The following LRFN3 variants were observed in gnomAD, a reference collection of about 807,000 sequenced individuals.
The protein encoded by LRFN3 is leucine rich repeat and fibronectin type III domain containing 3, also known as leucine-rich repeat and fibronectin type-III domain-containing protein 3.
LRFN3 carries 8 observed loss-of-function variants against 23.8 expected under a neutral mutation model. The ratio of observed to expected loss-of-function variants is 0.34; its 90% CI spans 0.20 to 0.61. The LOEUF (loss-of-function observed/expected upper bound fraction) is 0.61. Among genes scored for constraint, LRFN3 ranks in the 20% least tolerant of loss-of-function variants. The pLI is 0.80. For synonymous variants in LRFN3, 451 were observed against 450.6 expected (o/e 1.00, Z -0.01); for missense variants, 736 against 935.3 (o/e 0.79, Z 2.78).
At chr19:35,937,626 G>C (rs1270520511) in intron 1 of LRFN3, 71 bp downstream of exon 1, 1 of 152,850 alleles carries the variant, frequency 6.5e-6, no homozygotes, top group East Asian at 1.9e-4. Flanking sequence ...ACGGTACCAG[G>C]TACCCTTTGA....
At chr19:35,942,572 T>C (rs941740753) in intron 2 of LRFN3, among the ~76,000 whole-genome samples, 9 of 152,216 alleles carry the variant, frequency 5.9e-5, no homozygotes, top group African/African-American at 2.2e-4. Context: ...GGACTGTTCC[T>C]TGGGGACCTA....
Position 35,939,019 on chromosome 19 carries a change from C to T in LRFN3, c.-16-391C>T, listed in dbSNP as rs535549399. 5.3e-5 allele frequency among the ~76,000 whole-genome samples: 8 copies of T among 152,264 alleles called. No homozygotes were observed. In the South Asian group the frequency reaches 1.5e-3, roughly 28 times the overall value. On this transcript the variant is annotated intron_variant, in intron 1 of 2. Transcript: ENST00000246529. This position sits in a 1 kb window ranked among gnomAD's most constrained non-coding sequence, Gnocchi z 6.4. ...TGTTGCCCAGGCTGGAGTGTGGTGG[C>T]GCAATCATAGCTCACTGCAGCCTCA...
rs753224798 is a variant in LRFN3 at position 35,939,652 on chromosome 19, G to C, written c.227G>C (p.Arg76Pro). The C allele has an allele frequency of 6.2e-7, 1 of 1,608,202 alleles. No individual in the cohort carries two copies. Among genetic ancestry groups the C allele is most frequent in the South Asian group, 1.1e-5 (1 of 91,034 alleles). ...GACAACTTCATCGCCTCCGTGCGCC[G>C]CCGCGACCTGGCCAACATGACAGGC... ...LADNFIASVR[R>P]RDLANMTGLL... Residue 76 changes from arginine to proline, a missense_variant, in exon 2 of 3, where the codon CGC becomes CCC. By Grantham distance (103) the Arg-to-Pro change is moderately radical. This residue lies in a region of LRFN3 where 446 missense variants were observed against 647.9 expected (regional missense o/e 0.69). Transcript: ENST00000246529. The surrounding 1 kb of genome is among the most constrained non-coding windows in gnomAD (Gnocchi z 6.4).
rs867948477 is a variant in LRFN3, at chr19:35,944,900, C to T, written c.1768C>T (p.Leu590=). The T allele has an allele frequency of 1.3e-6, 2 of 1,588,372 alleles. No homozygotes were observed. Among genetic ancestry groups the T allele is most frequent in the Non-Finnish European group, 1.7e-6 (2 of 1,175,166 alleles). ...SSVCSQTNGA[L]GPTPTPAPPA... ...CGTTTGCTCCCAGACCAACGGCGCC[C>T]TGGGCCCCACGCCCACGCCCGCCCC... Residue 590 remains leucine (L), a synonymous_variant, in exon 3 of 3, where the codon CTG becomes TTG. Coordinates refer to ENST00000246529, the MANE Select transcript of LRFN3 (RefSeq NM_024509.2). The surrounding 1 kb of genome is among the most constrained non-coding windows in gnomAD (Gnocchi z 4.5).
At chr19:35,940,861 G>C (rs1976113265) in intron 2 of LRFN3, 21 bp downstream of exon 2, 1 of 1,513,230 alleles carries the variant, frequency 6.6e-7, no homozygotes, top group Non-Finnish European at 8.9e-7. Flanking sequence ...CAGGCACTGG[G>C]GTAGCTTGGG....
Position 35,940,492 on chromosome 19 carries a change from C to T in LRFN3, c.1067C>T (p.Thr356Ile). ...AATGGGACGCTGGAGCTGCTGGTCA[C>T]CGAGCCGGGTGATGGTGGCATCTTC... ...FPNGTLELLV[T>I]EPGDGGIFTC... The change falls in exon 2 of 3, where the codon ACC becomes ATC. Residue 356 changes from threonine (T) to isoleucine (I), a missense_variant. Thr to Ile is a moderately conservative substitution (Grantham distance 89, BLOSUM62 -1). Coordinates refer to ENST00000246529, the MANE Select transcript of LRFN3 (RefSeq NM_024509.2). 1 of 1,611,056 alleles carries T rather than the reference C, an allele frequency of 6.2e-7. No homozygotes were observed. Among genetic ancestry groups the T allele is most frequent in the Admixed American group, 1.7e-5 (1 of 59,816 alleles).
chr19:35,941,467 C>G (rs1435068084), intron 2 of LRFN3, among the ~76,000 whole-genome samples: 1 of 152,150 alleles, frequency 6.6e-6, no homozygotes, highest in Non-Finnish European at 1.5e-5. Context: ...GAAATCAGAC[C>G]AGAGGTTAGA....
Position 35,946,549 on chromosome 19 carries a change from GGAA to G in LRFN3, c.*1536_*1538del, listed in dbSNP as rs1244966064. 5.3e-5 allele frequency among the ~76,000 whole-genome samples: 8 copies of G among 152,040 alleles called. No homozygotes were observed. Among genetic ancestry groups the G allele is most frequent in the Non-Finnish European group, 1.2e-4 (8 of 67,986 alleles). On this transcript the variant is annotated 3_prime_UTR_variant, in exon 3 of 3. Transcript: ENST00000246529. Reference sequence around the variant, plus strand: ...AGGACCAGCAGGCAGAGGGACAGGGGGAAGAAGACCAAGCAATTCAGACCCAAG... The same window carrying G: ...AGGACCAGCAGGCAGAGGGACAGGGGGAAGACCAAGCAATTCAGACCCAAG...
Position 35,944,584 on chromosome 19 carries a change from G to A in LRFN3, c.1452G>A (p.Thr484=). The change falls in exon 3 of 3, where the codon ACG becomes ACA. Residue 484 remains threonine (T), a synonymous_variant. Transcript: ENST00000246529. This position sits in a 1 kb window ranked among gnomAD's most constrained non-coding sequence, Gnocchi z 4.5. ...IPAESRSFLL[T]DLASGRTYDL... ...CGGAGAGCCGCTCGTTCCTGCTGAC[G>A]GACCTGGCGTCAGGCCGGACCTACG... The A allele has an allele frequency of 2.0e-6, 3 of 1,481,656 alleles. No homozygotes were observed. The highest frequency in any genetic ancestry group is 1.8e-6 in the Non-Finnish European group (2 of 1,121,406). The allele number at this position is 1,481,656 out of a possible 1,614,324, so 91.8% of individuals were successfully genotyped here.
chr19:35,941,899 T>C (rs1298181201), intron 2 of LRFN3, among the ~76,000 whole-genome samples: 1 of 150,994 alleles, frequency 6.6e-6, no homozygotes, highest in East Asian at 2.0e-4. Flanking sequence ...CTTTTTTTTT[T>C]TGAGACGGAG....
In LRFN3 at chr19:35,945,034, C is replaced by G. The variant is rs757142430; in HGVS notation, c.*15C>G. ...TGGGACCCTAGCCAGGCGCCCCCCC[C>G]TCTAAGGGTCCTCTGGCCCCACGGA... On this transcript the variant is annotated 3_prime_UTR_variant, in exon 3 of 3. Transcript: ENST00000246529. 51 of 1,339,344 alleles carry G rather than the reference C, an allele frequency of 3.8e-5. No homozygotes were observed. Among genetic ancestry groups the G allele is most frequent in the Middle Eastern group, 2.7e-4 (1 of 3,654 alleles). The allele number at this position is 1,339,344 out of a possible 1,614,324, so 83.0% of individuals were successfully genotyped here.
Position 35,940,816 on chromosome 19 carries a change from C to T in LRFN3, c.1391C>T (p.Ser464Leu), listed in dbSNP as rs1361251835. ...IRMYQIQYNS[S>L]ADDILVYRMI... ...ATGTACCAGATCCAGTACAACAGCT[C>T]GGCTGATGACATCCTCGTCTACAGG... The change falls in exon 2 of 3, where the codon TCG (serine) becomes TTG (leucine). Residue 464 changes from serine to leucine, a missense_variant. Physicochemically the swap from Ser to Leu is moderately radical, Grantham distance 145. Transcript: ENST00000246529. The T allele has an allele frequency of 6.3e-7, 1 of 1,581,046 alleles. No individual in the cohort carries two copies. Among genetic ancestry groups the T allele is most frequent in the Non-Finnish European group, 8.6e-7 (1 of 1,157,880 alleles).
In LRFN3 at chr19:35,944,804, C is replaced by T. The variant is rs1237783451; in HGVS notation, c.1672C>T (p.Leu558=). Residue 558 remains leucine, a synonymous_variant, in exon 3 of 3, where the codon CTG becomes TTG. Coordinates refer to ENST00000246529, the MANE Select transcript of LRFN3 (RefSeq NM_024509.2). The surrounding 1 kb of genome is among the most constrained non-coding windows in gnomAD (Gnocchi z 4.5). ...VASVLVFIFV[L]LMRYKVHGGQ... Reference sequence around the variant, plus strand: ...CTCGGTACTGGTCTTCATCTTCGTGCTGCTAATGCGCTACAAGGTGCACGG... The same window carrying T: ...CTCGGTACTGGTCTTCATCTTCGTGTTGCTAATGCGCTACAAGGTGCACGG... The T allele has an allele frequency of 1.2e-6, 2 of 1,610,744 alleles. No homozygotes were observed. The highest frequency in any genetic ancestry group is 4.5e-5 in the East Asian group (2 of 44,842).
Position 35,940,776 on chromosome 19 carries a change from A to C in LRFN3, c.1351A>C (p.Ile451Leu). The change falls in exon 2 of 3, where the codon ATC becomes CTC. Residue 451 changes from isoleucine (I) to leucine (L), a missense_variant. Ile to Leu is a conservative substitution (Grantham distance 5). Transcript: ENST00000246529. ...TGTCCAGTGGCCGGATCAGCGGCCT[A>C]TCCCGGGCATCCGCATGTACCAGAT... ...ALVQWPDQRP[I>L]PGIRMYQIQY... 1.2e-6 allele frequency: 2 copies of C among 1,610,722 alleles called. No homozygotes were observed. The highest frequency in any genetic ancestry group is 1.7e-6 in the Non-Finnish European group (2 of 1,177,970).
chr19:35,939,980 G>T lies in LRFN3; in HGVS notation c.555G>T (p.Leu185Phe). The T allele has an allele frequency of 1.2e-6, 2 of 1,610,916 alleles. No homozygotes were observed. Among genetic ancestry groups the T allele is most frequent in the South Asian group, 2.2e-5 (2 of 91,082 alleles). The change falls in exon 2 of 3, where the codon TTG becomes TTT. Residue 185 changes from leucine (L) to phenylalanine (F), a missense_variant. By Grantham distance (22) the Leu-to-Phe change is conservative. Transcript: ENST00000246529. This position sits in a 1 kb window ranked among gnomAD's most constrained non-coding sequence, Gnocchi z 6.4. ...ALGRLGNVNTLGLDHNLLASV... is the reference protein window; with the variant it reads ...ALGRLGNVNTFGLDHNLLASV... ...GCCGCCTGGGCAACGTCAACACGTT[G>T]GGCCTCGACCACAACCTGCTGGCTT...
At position 35,939,700 on chromosome 19, in the gene LRFN3, G is replaced by A. The variant is rs779869397; in HGVS notation, c.275G>A (p.Arg92Gln). The change falls in exon 2 of 3, where the codon CGG becomes CAG. Residue 92 changes from arginine (R) to glutamine (Q), a missense_variant. By Grantham distance (43) the Arg-to-Gln change is conservative. This residue lies in a region of LRFN3 where 446 missense variants were observed against 647.9 expected (regional missense o/e 0.69). Transcript: ENST00000246529. The surrounding 1 kb of genome is among the most constrained non-coding windows in gnomAD (Gnocchi z 6.4). Reference sequence around the variant, plus strand: ...GGCCTGCTGCATCTGAGCCTGTCGCGGAACACCATCCGCCACGTGGCTGCC... The same window carrying A: ...GGCCTGCTGCATCTGAGCCTGTCGCAGAACACCATCCGCCACGTGGCTGCC... ...MTGLLHLSLSRNTIRHVAAGA... is the reference protein window; with the variant it reads ...MTGLLHLSLSQNTIRHVAAGA... 7.5e-6 allele frequency: 12 copies of A among 1,605,304 alleles called. No individual in the cohort carries two copies. The highest frequency in any genetic ancestry group is 8.5e-6 in the Non-Finnish European group (10 of 1,178,352).
In LRFN3 at chr19:35,939,430, C is replaced by A; in HGVS notation, c.5C>A (p.Ala2Asp). The change falls in exon 2 of 3, where the codon GCC becomes GAC. Residue 2 changes from alanine (A) to aspartate (D), a missense_variant. By Grantham distance (126) the Ala-to-Asp change is moderately radical (BLOSUM62 -2). Transcript: ENST00000246529. The surrounding 1 kb of genome is among the most constrained non-coding windows in gnomAD (Gnocchi z 6.4). ...CGCAGGACACCCCTGCCCGCGATGG[C>A]CATCCTCCCGTTGCTCCTGTGCCTG... The part of the protein sequence containing the change: M[A>D]ILPLLLCLLP... The A allele has an allele frequency of 6.3e-7, 1 of 1,581,982 alleles. No individual in the cohort carries two copies. The highest frequency in any genetic ancestry group is 8.6e-7 in the Non-Finnish European group (1 of 1,165,616).
Position 35,944,865 on chromosome 19 carries a change from C to T in LRFN3, c.1733C>T (p.Pro578Leu). 1 of 1,599,990 alleles carries T rather than the reference C, an allele frequency of 6.3e-7. No homozygotes were observed. Among genetic ancestry groups the T allele is most frequent in the East Asian group, 2.2e-5 (1 of 44,772 alleles). ...CCCGGCAAGGCCAAGATTCCCGCGC[C>T]TGTTAGCAGCGTTTGCTCCCAGACC... ...QPPGKAKIPA[P>L]VSSVCSQTNG... Residue 578 changes from proline (P) to leucine (L), a missense_variant, in exon 3 of 3, where the codon CCT becomes CTT. This residue lies in a region of LRFN3 where 290 missense variants were observed against 287.4 expected (regional missense o/e 1.01). Coordinates refer to ENST00000246529, the MANE Select transcript of LRFN3 (RefSeq NM_024509.2). This position sits in a 1 kb window ranked among gnomAD's most constrained non-coding sequence, Gnocchi z 4.5.
chr19:35,940,925 C>G (rs189525448), intron 2 of LRFN3, 85 bp downstream of exon 2: 2 of 1,417,518 alleles, frequency 1.4e-6, no homozygotes, highest in Non-Finnish European at 9.3e-7. Context: ...TACCCTACAC[C>G]GAAGCACAAC....
Sources: allele counts gnomAD v4.1 joint callset (sites outside exome capture counted in the v4.1 genomes callset), GRCh38; gene constraint gnomAD v4.1.1; regional missense constraint gnomAD v4.1.1; non-coding constraint Gnocchi (gnomAD v3.1); transcripts MANE v1.5; gene names NCBI Gene and HGNC (gene_info 2026-07-23, HGNC 2026-07-21).